Variants in TCF12 observed in about 807,000 individuals in gnomAD.
TCF12 encodes the protein DNA-binding protein HTF4.
TCF12 carries 45 observed loss-of-function variants against 86.0 expected under a neutral mutation model. That is an observed-to-expected ratio of 0.52 (90% CI 0.41 to 0.67). The LOEUF is 0.67. TCF12 is among the 30% of genes least tolerant of loss of function. The pLI is 0.00. For missense variants in TCF12, 881 were observed against 859.9 expected (o/e 1.02, Z -0.31); for synonymous variants, 330 against 299.6 (o/e 1.10, Z -1.05).
intron 13 of TCF12, chr15:57,247,782 C>G (rs760135876): frequency 6.7e-6 from 5 of 747,504 alleles, no homozygotes; most frequent in African/African-American, 1.7e-5. Flanking sequence ...CTTGCTGCCT[C>G]CACCTCTTCA....
chr15:57,247,944 C>G, intron 13 of TCF12: 1 of 752,462 alleles, frequency 1.3e-6, no homozygotes. Flanking sequence ...AAAGTTTTTG[C>G]AAAAGCTCTG....
At chr15:57,109,880 C>T (rs1314175734) in intron 5 of TCF12, among the ~76,000 whole-genome samples, 1 of 152,072 alleles carries the variant, frequency 6.6e-6, no homozygotes, top group African/African-American at 2.4e-5. Context: ...CATAAGGTAT[C>T]TAGAAAGCGT....
At chr15:56,928,178 T>C (rs1257534277) in intron 3 of TCF12, among the ~76,000 whole-genome samples, 1 of 152,214 alleles carries the variant, frequency 6.6e-6, no homozygotes, top group East Asian at 1.9e-4. Flanking sequence ...TAATCAGAGC[T>C]ATACTTTTTT....
intron 6 of TCF12, among the ~76,000 whole-genome samples, chr15:57,169,615 T>C (rs1201318828): frequency 2.6e-5 from 4 of 152,328 alleles, no homozygotes; most frequent in African/African-American, 4.8e-5. Flanking sequence ...ATATTTTGGA[T>C]CTTTAATATT....
At chr15:57,134,751 C>T (rs2052396037) in intron 5 of TCF12, among the ~76,000 whole-genome samples, 1 of 152,052 alleles carries the variant, frequency 6.6e-6, no homozygotes, top group Non-Finnish European at 1.5e-5. Flanking sequence ...AAACTGATGC[C>T]ATTAATTTTT....
At chr15:57,248,685 A>C (rs1020307982) in intron 13 of TCF12, among the ~76,000 whole-genome samples, 4 of 152,260 alleles carry the variant, frequency 2.6e-5, no homozygotes, top group Non-Finnish European at 5.9e-5. Context: ...ATGCTTTAAC[A>C]AAGTGCGTTA....
intron 4 of TCF12, among the ~76,000 whole-genome samples, chr15:57,082,645 G>A (rs2048383333): frequency 6.6e-6 from 1 of 152,174 alleles, no homozygotes; most frequent in Admixed American, 6.5e-5. Flanking sequence ...CTTACAAGGG[G>A]ATTTTGGAAG....
At chr15:57,021,522 TG>T (rs1463808725) in intron 3 of TCF12, among the ~76,000 whole-genome samples, 3 of 152,226 alleles carry the variant, frequency 2.0e-5, no homozygotes, top group Admixed American at 6.5e-5. Flanking sequence ...AGTTTGAGAA[TG>T]CTATTCAGAA....
chr15:57,018,712 A>G (rs1013995185), intron 3 of TCF12, among the ~76,000 whole-genome samples: 3 of 152,126 alleles, frequency 2.0e-5, no homozygotes, highest in Non-Finnish European at 4.4e-5. Context: ...AAGGGCTAGG[A>G]TTACAGGCAT....
intron 5 of TCF12, among the ~76,000 whole-genome samples, chr15:57,158,183 CG>C (rs1355739581): frequency 1.3e-4 from 13 of 102,380 alleles, no homozygotes; most frequent in South Asian, 3.4e-4. Flanking sequence ...CTCAGAAAGT[CG>C]TTTCTTTTTT....
At chr15:56,940,622 CCTCCTTCTCCCTCTCCTT>C (rs1449579181) in intron 3 of TCF12, among the ~76,000 whole-genome samples, 2 of 148,618 alleles carry the variant, frequency 1.3e-5, no homozygotes, top group African/African-American at 2.5e-5. Context: ...TTCTCCCTCT[CCTCCTTCTCCCTCTCCTT>C]CTCCTTCTCC....
intron 3 of TCF12, among the ~76,000 whole-genome samples, chr15:57,009,357 C>G (rs2064681542): frequency 1.3e-5 from 2 of 149,734 alleles, no homozygotes; most frequent in South Asian, 4.2e-4. Context: ...GCAGTCTGTC[C>G]TCCTCAGCCT....
At chr15:56,928,299 A>G (rs1177879406) in intron 3 of TCF12, among the ~76,000 whole-genome samples, 11 of 152,112 alleles carry the variant, frequency 7.2e-5, no homozygotes, top group Admixed American at 2.6e-4. Context: ...GGTAGCTGCT[A>G]TTATTGTGGT....
In TCF12 at chr15:57,232,373, C is replaced by T. The variant is rs755087285; in HGVS notation, c.768C>T (p.Ser256=). 3 of 1,613,634 alleles carry T rather than the reference C, an allele frequency of 1.9e-6. No individual in the cohort carries two copies. Among genetic ancestry groups the T allele is most frequent in the African/African-American group, 1.3e-5 (1 of 74,996 alleles). Residue 256 remains serine, a synonymous_variant, in exon 10 of 21, where the codon TCC becomes TCT. Transcript: ENST00000333725. ...QPGFGGILGT[S]TSHMSQSSSY... is the part of the protein sequence containing the mutation. ...GTTTTGGTGGAATTCTGGGGACCTC[C>T]ACTTCCCACATGTCTCAATCCAGTA...
intron 10 of TCF12, 40 bp from the exon 11 acceptor site, chr15:57,232,672 C>T: frequency 6.3e-7 from 1 of 1,579,682 alleles, no homozygotes; most frequent in Non-Finnish European, 8.6e-7. Flanking sequence ...GAATATTATT[C>T]AGAAAATATA....
At chr15:57,164,364 A>C (rs2054713145) in intron 5 of TCF12, among the ~76,000 whole-genome samples, 1 of 152,212 alleles carries the variant, frequency 6.6e-6, no homozygotes. Flanking sequence ...CTCACAGTTC[A>C]ACATGGCTGG....
chr15:56,940,610 T>C (rs1032469655), intron 3 of TCF12, among the ~76,000 whole-genome samples: 29 of 146,444 alleles, frequency 2.0e-4, no homozygotes, highest in African/African-American at 3.5e-4. Context: ...TTCTCCTCCT[T>C]CTTCTCCCTC....
intron 3 of TCF12, among the ~76,000 whole-genome samples, chr15:56,971,548 C>T (rs1301733405): frequency 6.6e-6 from 1 of 152,046 alleles, no homozygotes; most frequent in African/African-American, 2.4e-5. Context: ...TTTAGAATGC[C>T]CTGGGCTGAG....
At chr15:57,251,537 C>A in intron 14 of TCF12, 114 bp downstream of exon 14, 1 of 989,278 alleles carries the variant, frequency 1.0e-6, no homozygotes, top group Non-Finnish European at 1.5e-6. Context: ...GAATTCTTTG[C>A]TAACAAATGG....
Sources: allele counts gnomAD v4.1 joint callset (sites outside exome capture counted in the v4.1 genomes callset), GRCh38; gene constraint gnomAD v4.1.1; transcripts MANE v1.5; gene names NCBI Gene and HGNC (gene_info 2026-07-23, HGNC 2026-07-21).